PTPDC1: variants seen among roughly 807,000 people sequenced by gnomAD.
The protein encoded by PTPDC1 is protein tyrosine phosphatase domain-containing protein 1.
Under a neutral mutation model 75.3 loss-of-function variants are expected in PTPDC1, and 53 were observed. The ratio of observed to expected loss-of-function variants is 0.70; its 90% CI spans 0.56 to 0.88. The LOEUF (loss-of-function observed/expected upper bound fraction) is 0.88. PTPDC1 is among the 40% of genes least tolerant of loss of function. The pLI is 0.00. For missense variants in PTPDC1, 925 were observed against 998.6 expected, an observed-to-expected ratio of 0.93 and a Z score of 0.99; for synonymous variants, 349 against 366.2, an observed-to-expected ratio of 0.95 and a Z score of 0.54.
At chr9:94,065,861 G>T (rs1826284608) in intron 2 of PTPDC1, among the ~76,000 whole-genome samples, 1 of 152,156 alleles carries the variant, frequency 6.6e-6, no homozygotes, top group East Asian at 1.9e-4. Flanking sequence ...ATGATGTCTA[G>T]TGGCTGCTTC....
intron 8 of PTPDC1, among the ~76,000 whole-genome samples, chr9:94,104,961 T>C (rs1032036797): frequency 6.6e-6 from 1 of 152,238 alleles, no homozygotes; most frequent in African/African-American, 2.4e-5. Flanking sequence ...CTATAATTTG[T>C]TTATTACTTC....
At chr9:94,068,798 T>C (rs529237473) in intron 2 of PTPDC1, among the ~76,000 whole-genome samples, 25 of 152,218 alleles carry the variant, frequency 1.6e-4, no homozygotes, top group Non-Finnish European at 2.2e-4. Context: ...ATTCCTTCTG[T>C]TTTTATTAGT....
At chr9:94,076,787 T>C (rs62574602) in intron 2 of PTPDC1, among the ~76,000 whole-genome samples, 2,928 of 152,320 alleles carry the variant, frequency 0.019, 59 homozygotes, top group Non-Finnish European at 0.028. Flanking sequence ...TTCATTTTAT[T>C]TACCCACCAG....
rs1436654348 is a variant in PTPDC1 at position 94,107,936 on chromosome 9, G to T, written c.2419G>T (p.Gly807Cys). The change falls in exon 9 of 9, where the codon GGC (glycine) becomes TGC (cysteine). Residue 807 changes from glycine (G) to cysteine (C), a missense_variant. Physicochemically the swap from Gly to Cys is radical, Grantham distance 159. Transcript: ENST00000620992. ...RKMTKDGPKP[G>C]L ...AATGACAAAAGATGGCCCTAAGCCT[G>T]GCCTCTAGCTTTCACTCGTGGTGAA... The T allele has an allele frequency of 1.3e-6, 2 of 1,579,532 alleles. No homozygotes were observed. Among genetic ancestry groups the T allele is most frequent in the East Asian group, 4.5e-5 (2 of 44,140 alleles).
intron 8 of PTPDC1, among the ~76,000 whole-genome samples, chr9:94,104,775 C>T (rs1466208046): frequency 6.6e-6 from 1 of 152,164 alleles, no homozygotes. Context: ...GAGAATTAAA[C>T]ATCCCACATT....
At chr9:94,070,881 T>C (rs1371577800) in intron 2 of PTPDC1, among the ~76,000 whole-genome samples, 1 of 152,346 alleles carries the variant, frequency 6.6e-6, no homozygotes, top group South Asian at 2.1e-4. Flanking sequence ...TTCCGTGGTA[T>C]GGATGTACCA....
intron 1 of PTPDC1, among the ~76,000 whole-genome samples, chr9:94,045,953 T>C (rs1178289446): frequency 6.6e-6 from 1 of 152,250 alleles, no homozygotes; most frequent in African/African-American, 2.4e-5. Context: ...GCCTAGGTTT[T>C]CTTCTAGAGT....
chr9:94,091,192 C>G (rs1028173617), intron 4 of PTPDC1, among the ~76,000 whole-genome samples: 3 of 151,540 alleles, frequency 2.0e-5, no homozygotes, highest in Non-Finnish European at 4.4e-5. Context: ...AGTTTTTGCC[C>G]ATTCAGTATG....
At chr9:94,035,266 T>A (rs1371714831) in intron 1 of PTPDC1, among the ~76,000 whole-genome samples, 1 of 152,206 alleles carries the variant, frequency 6.6e-6, no homozygotes, top group African/African-American at 2.4e-5. Flanking sequence ...TCTCAATTTT[T>A]AAAAACCCTA....
intron 1 of PTPDC1, among the ~76,000 whole-genome samples, chr9:94,054,711 A>G (rs1344989252): frequency 6.6e-6 from 1 of 152,376 alleles, no homozygotes; most frequent in East Asian, 1.9e-4. Context: ...CTAGACTCTA[A>G]TAGACCAAAC....
intron 6 of PTPDC1, 51 bp from the exon 7 acceptor site, chr9:94,101,515 C>T: frequency 6.9e-7 from 1 of 1,440,432 alleles, no homozygotes; most frequent in Non-Finnish European, 9.7e-7. Flanking sequence ...ACCTCCCTCT[C>T]CTCTCCCTGT....
chr9:94,065,557 G>A (rs1423331414), intron 2 of PTPDC1, among the ~76,000 whole-genome samples: 1 of 152,212 alleles, frequency 6.6e-6, no homozygotes, highest in Non-Finnish European at 1.5e-5. Flanking sequence ...TCTAACTAAA[G>A]GTATTGAGTT....
intron 2 of PTPDC1, among the ~76,000 whole-genome samples, chr9:94,078,275 G>C (rs1170658874): frequency 2.6e-5 from 4 of 152,082 alleles, no homozygotes; most frequent in Non-Finnish European, 5.9e-5. Context: ...CAGAAATCTT[G>C]CTGCATGTAA....
At chr9:94,046,208 C>G (rs1423445128) in intron 1 of PTPDC1, among the ~76,000 whole-genome samples, 2 of 152,176 alleles carry the variant, frequency 1.3e-5, no homozygotes, top group Non-Finnish European at 2.9e-5. Flanking sequence ...GTCTATATCT[C>G]TGCTTTGGTA....
chr9:94,093,061 A>G (rs1393540324), intron 4 of PTPDC1, among the ~76,000 whole-genome samples: 2 of 152,206 alleles, frequency 1.3e-5, no homozygotes, highest in African/African-American at 2.4e-5. Flanking sequence ...GTGTCTTTTA[A>G]TTGGAGCATT....
chr9:94,076,418 A>T (rs1479289630), intron 2 of PTPDC1, among the ~76,000 whole-genome samples: 1 of 152,198 alleles, frequency 6.6e-6, no homozygotes, highest in Non-Finnish European at 1.5e-5. Flanking sequence ...TGGACATTTC[A>T]TATAAATGGA....
At chr9:94,059,508 TAATC>T in intron 1 of PTPDC1, among the ~76,000 whole-genome samples, 1 of 152,314 alleles carries the variant, frequency 6.6e-6, no homozygotes, top group African/African-American at 2.4e-5. Context: ...ATTACAGAGA[TAATC>T]AGAAGACAAA....
At chr9:94,089,573 T>C (rs1827217079) in intron 4 of PTPDC1, among the ~76,000 whole-genome samples, 2 of 142,168 alleles carry the variant, frequency 1.4e-5, no homozygotes, top group African/African-American at 2.7e-5. Flanking sequence ...GCATGATTTA[T>C]AGTCCTTTGG....
At chr9:94,101,971 C>T (rs1827858138) in intron 7 of PTPDC1, among the ~76,000 whole-genome samples, 2 of 152,172 alleles carry the variant, frequency 1.3e-5, no homozygotes, top group African/African-American at 4.8e-5. Flanking sequence ...CTGGGAGAGG[C>T]ACTGCAAACA....
Sources: gnomAD v4.1 joint callset for allele counts (sites outside exome capture counted in the v4.1 genomes callset) on GRCh38, gnomAD v4.1.1 for gene constraint, MANE v1.5 for transcripts, NCBI Gene and HGNC (gene_info 2026-07-23, HGNC 2026-07-21) for gene names.